Variants in MYO16 observed in about 807,000 individuals in gnomAD.
MYO16 encodes unconventional myosin-XVI.
Under a neutral mutation model 205.3 loss-of-function variants are expected in MYO16, and 94 were observed. The ratio of observed to expected loss-of-function variants is 0.46; its 90% confidence interval spans 0.39 to 0.54. The LOEUF is 0.54. Among genes scored for constraint, MYO16 ranks in the 20% least tolerant of loss-of-function variants. MYO16 has a pLI of 0.00. For missense variants in MYO16, 2,315 were observed against 2,387.5 expected, an observed-to-expected ratio of 0.97 and a Z score of 0.63; for synonymous variants, 988 against 954.0, an observed-to-expected ratio of 1.04 and a Z score of -0.66.
intron 1 of MYO16, among the ~76,000 whole-genome samples, chr13:108,609,271 C>G (rs1879082679): frequency 6.6e-6 from 1 of 152,114 alleles, no homozygotes; most frequent in Non-Finnish European, 1.5e-5. Context: ...GCAGGCTTTG[C>G]ACTGGGGAGA....
intron 4 of MYO16, among the ~76,000 whole-genome samples, chr13:108,742,557 A>T (rs1884942589): frequency 6.6e-6 from 1 of 152,170 alleles, no homozygotes. Context: ...AACTTGTACC[A>T]CATCCAAGCA....
chr13:108,550,446 C>T, the MYO16 span, among the ~76,000 whole-genome samples: 1 of 152,198 alleles, frequency 6.6e-6, no homozygotes. Context: ...AATCTAGAGT[C>T]TTTTGTTCCT....
intron 16 of MYO16, among the ~76,000 whole-genome samples, chr13:108,950,222 G>A (rs531356216): frequency 1.3e-3 from 201 of 150,462 alleles, no homozygotes; most frequent in Admixed American, 2.4e-3. Flanking sequence ...CTCTTATTCA[G>A]AAGACTTCAT....
chr13:108,754,000 T>A (rs149731035), intron 4 of MYO16, among the ~76,000 whole-genome samples: 1 of 152,356 alleles, frequency 6.6e-6, no homozygotes, highest in Non-Finnish European at 1.5e-5. Flanking sequence ...AGTGAAGAGA[T>A]CAACAGTGAT....
At chr13:108,637,180 C>T (rs1037336690) in intron 1 of MYO16, among the ~76,000 whole-genome samples, 1 of 152,186 alleles carries the variant, frequency 6.6e-6, no homozygotes, top group Non-Finnish European at 1.5e-5. Context: ...CTTCCAAGAA[C>T]ATCATGGGCT....
intron 1 of MYO16, among the ~76,000 whole-genome samples, chr13:108,605,574 C>T (rs1878924244): frequency 6.6e-6 from 1 of 152,142 alleles, no homozygotes. Flanking sequence ...ATTTCTCCTT[C>T]ACTTTACACT....
chr13:109,143,509 A>G (rs1877197015), intron 32 of MYO16, among the ~76,000 whole-genome samples: 1 of 152,188 alleles, frequency 6.6e-6, no homozygotes, highest in Admixed American at 6.5e-5. Flanking sequence ...TGCTTTTAGA[A>G]CTAAAAGTTT....
At chr13:109,045,549 C>G (rs1250166610) in intron 23 of MYO16, among the ~76,000 whole-genome samples, 1 of 152,176 alleles carries the variant, frequency 6.6e-6, no homozygotes, top group East Asian at 1.9e-4. Context: ...CATTGTCCCC[C>G]AGCTCAACTG....
chr13:108,811,843 C>G (rs1340193704), intron 7 of MYO16, among the ~76,000 whole-genome samples: 1 of 152,202 alleles, frequency 6.6e-6, no homozygotes, highest in African/African-American at 2.4e-5. Flanking sequence ...CCCCCTCCCC[C>G]ACTCTTCTGT....
chr13:108,566,605 C>T, the MYO16 span, among the ~76,000 whole-genome samples: 11 of 150,374 alleles, frequency 7.3e-5, no homozygotes, highest in East Asian at 2.0e-4. Flanking sequence ...GCACTCCAGC[C>T]TGGGTAATAG....
intron 3 of MYO16, among the ~76,000 whole-genome samples, chr13:108,714,619 TATAG>T (rs1298778277): frequency 1.8e-3 from 261 of 142,130 alleles, no homozygotes; most frequent in Admixed American, 4.6e-3. Context: ...TGTGTATATA[TATAG>T]AGAGAGAGAG....
chr13:108,849,339 T>C (rs9587709), intron 10 of MYO16, among the ~76,000 whole-genome samples: 102,056 of 151,756 alleles, frequency 0.67, 35,061 homozygotes, highest in Middle Eastern at 0.74. Flanking sequence ...TATAGGTGCC[T>C]GCCACCACGC....
intron 28 of MYO16, among the ~76,000 whole-genome samples, chr13:109,105,660 G>A (rs1889104107): frequency 6.6e-6 from 1 of 151,898 alleles, no homozygotes; most frequent in Admixed American, 6.6e-5. Context: ...TACTATATAG[G>A]GTCAAATTAA....
chr13:108,851,320 CTA>C (rs1461831390), intron 10 of MYO16, among the ~76,000 whole-genome samples: 1 of 151,980 alleles, frequency 6.6e-6, no homozygotes, highest in East Asian at 1.9e-4. Context: ...TGGGGGTTGT[CTA>C]TATGTGTGTG....
At chr13:109,109,583 G>A (rs891170892) in intron 28 of MYO16, among the ~76,000 whole-genome samples, 2 of 150,262 alleles carry the variant, frequency 1.3e-5, no homozygotes, top group African/African-American at 4.8e-5. Context: ...CCGAGAACAC[G>A]AAGGGAGGGG....
intron 27 of MYO16, among the ~76,000 whole-genome samples, chr13:109,076,180 T>C (rs1377759006): frequency 2.0e-5 from 3 of 152,202 alleles, no homozygotes; most frequent in Non-Finnish European, 4.4e-5. Context: ...GTTATTTATT[T>C]ATTGAAAGAA....
At chr13:109,171,940 T>G (rs1878939948) in intron 33 of MYO16, among the ~76,000 whole-genome samples, 1 of 152,206 alleles carries the variant, frequency 6.6e-6, no homozygotes, top group Non-Finnish European at 1.5e-5. Context: ...TAAGGGTTAT[T>G]TGTGTTGAAT....
upstream of MYO16, among the ~76,000 whole-genome samples, chr13:108,594,074 A>G (rs1470759967): frequency 6.6e-6 from 1 of 152,132 alleles, no homozygotes; most frequent in Non-Finnish European, 1.5e-5. Context: ...CCACTCAAAC[A>G]CGGGCTACCC....
At chr13:109,203,482 T>C (rs1880481759) in intron 34 of MYO16, among the ~76,000 whole-genome samples, 1 of 151,888 alleles carries the variant, frequency 6.6e-6, no homozygotes, top group East Asian at 1.9e-4. Context: ...TGGCTTCCAG[T>C]GTTTCCATGA....
Sources: gnomAD v4.1 joint callset for allele counts (sites outside exome capture counted in the v4.1 genomes callset) on GRCh38, gnomAD v4.1.1 for gene constraint, MANE v1.5 for transcripts, NCBI Gene and HGNC (gene_info 2026-07-23, HGNC 2026-07-21) for gene names.